Variants in CLDN2 observed in about 807,000 individuals in gnomAD.
CLDN2 encodes the protein claudin 2.
Under a neutral mutation model 8.2 loss-of-function variants are expected in CLDN2, and 1 was observed. The ratio of observed to expected loss-of-function variants is 0.12; its 90% CI spans 0.04 to 0.58. The LOEUF is 0.58. Among genes scored for constraint, CLDN2 ranks in the 20% least tolerant of loss-of-function variants. The probability of loss-of-function intolerance (pLI) is 0.90; values close to 1 mark genes in which losing one functional copy is unlikely to be tolerated. For synonymous variants in CLDN2, 70 were observed against 70.2 expected (o/e 1.00, Z 0.01); for missense variants, 108 against 172.9 (o/e 0.62, Z 2.11).
At chrX:106,910,045 C>T (rs1211247788) in intron 1 of CLDN2, among the ~76,000 whole-genome samples, 2 of 111,506 alleles carry the variant, frequency 1.8e-5, no homozygotes, top group African/African-American at 6.5e-5. Context: ...CAGCTCCTCC[C>T]CTGGCTCCTT....
upstream of CLDN2, chrX:106,918,545 AC>A (rs1472842696): frequency 1.8e-5 from 2 of 112,064 alleles, no homozygotes; most frequent in African/African-American, 6.5e-5. Flanking sequence ...AACAAATCCG[AC>A]TGTTTGCTTT....
At chrX:106,902,269 C>T in intron 1 of CLDN2, 3 of 1,025,709 alleles carry the variant, frequency 2.9e-6, no homozygotes, top group Non-Finnish European at 4.0e-6. Flanking sequence ...AAGGTGGGCT[C>T]CCTGAGATAA....
intron 1 of CLDN2, among the ~76,000 whole-genome samples, chrX:106,901,322 T>A (rs1933090222): frequency 8.9e-6 from 1 of 112,126 alleles, no homozygotes; most frequent in African/African-American, 3.2e-5. Flanking sequence ...CTTGGCAAAG[T>A]CCCTTAACCT....
upstream of CLDN2, among the ~76,000 whole-genome samples, chrX:106,914,907 C>A (rs966253184): frequency 2.7e-5 from 3 of 111,683 alleles, no homozygotes; most frequent in Non-Finnish European, 5.6e-5. Context: ...AAAATTCACT[C>A]TTTTGGGTGT....
At chrX:106,900,581 C>T (rs1031412654) in intron 1 of CLDN2, 34 of 910,676 alleles carry the variant, frequency 3.7e-5, no homozygotes, top group Non-Finnish European at 4.5e-5. Flanking sequence ...CTAATACTTC[C>T]GGCTAACTGA....
At chrX:106,922,747 A>G (rs1456182887) in intron 1 of CLDN2, among the ~76,000 whole-genome samples, 1 of 111,905 alleles carries the variant, frequency 8.9e-6, no homozygotes, top group Non-Finnish European at 1.9e-5. Context: ...GTAGAATAGC[A>G]TGCTTACGGG....
intron 1 of CLDN2, chrX:106,900,880 C>G: frequency 3.3e-6 from 4 of 1,210,406 alleles, no homozygotes; most frequent in Non-Finnish European, 4.5e-6. Flanking sequence ...TACAGATAGT[C>G]GAAGGAGCGG....
intron 1 of CLDN2, chrX:106,901,525 G>A (rs760725358): frequency 9.1e-6 from 11 of 1,211,339 alleles, no homozygotes; most frequent in Non-Finnish European, 1.2e-5. Context: ...AGCAGCCGTT[G>A]CCCCACCAGC....
At chrX:106,900,797 G>C (rs182725533) in intron 1 of CLDN2, 27 of 1,208,966 alleles carry the variant, frequency 2.2e-5, no homozygotes, top group Non-Finnish European at 3.0e-5. Context: ...CTTCTTCTTC[G>C]CTGTCTGAGT....
chrX:106,901,256 C>T (rs866086969), intron 1 of CLDN2, among the ~76,000 whole-genome samples: 4 of 112,062 alleles, frequency 3.6e-5, no homozygotes, highest in Admixed American at 9.4e-5. Flanking sequence ...TTTCACTGAC[C>T]CATCCATGGG....
At chrX:106,912,184 C>T (rs1188969010) in intron 1 of CLDN2, among the ~76,000 whole-genome samples, 1 of 111,233 alleles carries the variant, frequency 9.0e-6, no homozygotes, top group Admixed American at 9.6e-5. Context: ...TCTTCCCTCC[C>T]TCTTCCAGCC....
At chrX:106,915,772 C>T (rs769634292), upstream of CLDN2, among the ~76,000 whole-genome samples, 3 of 110,717 alleles carry the variant, frequency 2.7e-5, no homozygotes, top group South Asian at 1.2e-3. Context: ...TCTCCTGCCT[C>T]CCCTCCCAGA....
At chrX:106,914,048 G>A (rs1933282067), upstream of CLDN2, among the ~76,000 whole-genome samples, 1 of 105,634 alleles carries the variant, frequency 9.5e-6, no homozygotes, top group Non-Finnish European at 1.9e-5. Context: ...CACCTCCCGG[G>A]CTCAAGTGAT....
At chrX:106,922,868 G>C (rs1319593333) in intron 1 of CLDN2, among the ~76,000 whole-genome samples, 1 of 111,423 alleles carries the variant, frequency 9.0e-6, no homozygotes, top group Non-Finnish European at 1.9e-5. Flanking sequence ...AATGGTGTGA[G>C]ATGAGGCTGT....
At chrX:106,902,080 C>A in intron 1 of CLDN2, 1 of 999,648 alleles carries the variant, frequency 1.0e-6, no homozygotes. Flanking sequence ...GGGAAGTGAC[C>A]TGGTCACTGT....
At position 106,901,507 on chromosome X, in the gene CLDN2, G is replaced by T. The variant is rs762242561; in HGVS notation, c.-179+1003G>T. On this transcript the variant is annotated intron_variant, in intron 1 of 1. Transcript: ENST00000541806. ...GTGATGGAACTTGGATTCAGCCTTG[G>T]TGACCTCAGCAGCCGTTGCCCCACC... 7.4e-5 allele frequency: 90 copies of T among 1,209,854 alleles called. No individual in the cohort carries two copies. The highest frequency in any genetic ancestry group is 9.6e-5 in the Non-Finnish European group (86 of 895,077).
chrX:106,916,664 C>G (rs1933315139), upstream of CLDN2, among the ~76,000 whole-genome samples: 1 of 111,511 alleles, frequency 9.0e-6, no homozygotes, highest in Non-Finnish European at 1.9e-5. Context: ...GGAATTAAGG[C>G]TAACTCTGAG....
chrX:106,918,508 G>T (rs1933345548), upstream of CLDN2: 1 of 112,197 alleles, frequency 8.9e-6, no homozygotes. Flanking sequence ...ATGATTTCTG[G>T]TTTGCTTCAC....
At chrX:106,916,375 G>A (rs1329047959), upstream of CLDN2, among the ~76,000 whole-genome samples, 1 of 111,362 alleles carries the variant, frequency 9.0e-6, no homozygotes, top group African/African-American at 3.3e-5. Flanking sequence ...TTGTAGGCTT[G>A]AGAAACTGAA....
Sources: allele counts gnomAD v4.1 joint callset (sites outside exome capture counted in the v4.1 genomes callset), GRCh38; gene constraint gnomAD v4.1.1; transcripts MANE v1.5; gene names NCBI Gene and HGNC (gene_info 2026-07-23, HGNC 2026-07-21).